Variants in GRHL1 observed in about 807,000 individuals in gnomAD.
GRHL1 encodes the protein grainyhead like transcription factor 1.
Under a neutral mutation model 75.7 loss-of-function variants are expected in GRHL1, and 38 were observed. That is an observed-to-expected ratio of 0.50 (90% CI 0.39 to 0.66). The LOEUF (loss-of-function observed/expected upper bound fraction) is 0.66, where lower values mean the gene tolerates loss of function less well. Ranked by LOEUF, GRHL1 falls within the 30% of genes least tolerant of loss-of-function variation. The pLI is 0.00. For synonymous variants in GRHL1, 266 were observed against 279.4 expected (o/e 0.95, Z 0.48); for missense variants, 589 against 767.5 (o/e 0.77, Z 2.75).
rs190224436 is a variant in GRHL1 at position 9,985,077 on chromosome 2, A to T, written c.1111-1047A>T. Among the ~76,000 whole-genome samples, 24 of 152,158 alleles carry T rather than the reference A, an allele frequency of 1.6e-4. No homozygotes were observed. The East Asian group carries it at 4.3e-3, about 27-fold the overall frequency. The stretch of plus-strand genomic sequence containing the variant: ...AGCCAGACTGTCTCAAAAAAAAAAA[A>T]AAAAATTGCTCCTGTGGGAAGTGGT... On this transcript the variant is annotated intron_variant, in intron 8 of 15. Transcript: ENST00000324907.
At position 9,968,894 on chromosome 2, in the gene GRHL1, G is replaced by A. The variant is rs1367534167; in HGVS notation, c.1110+3513G>A. Among the ~76,000 whole-genome samples the A allele has an allele frequency of 6.6e-6, 1 of 152,174 alleles. No individual in the cohort carries two copies. Among genetic ancestry groups the A allele is most frequent in the Non-Finnish European group, 1.5e-5 (1 of 68,034 alleles). ...TAGTTCCGCAGGCCAGGTAGATAGT[G>A]GCATAAGTGTCCCCATTTGTGGGGA... On this transcript the variant is annotated intron_variant, in intron 8 of 15. Transcript: ENST00000324907. This position sits in a 1 kb window ranked among gnomAD's most constrained non-coding sequence, Gnocchi z 4.7.
At chr2:9,980,524 G>A (rs1668153215) in intron 8 of GRHL1, among the ~76,000 whole-genome samples, 1 of 152,176 alleles carries the variant, frequency 6.6e-6, no homozygotes, top group Non-Finnish European at 1.5e-5. Flanking sequence ...ATTTAAAAAG[G>A]AATCTTGTAG....
intron 8 of GRHL1, among the ~76,000 whole-genome samples, chr2:9,969,469 A>G (rs1667624988): frequency 6.6e-6 from 1 of 152,256 alleles, no homozygotes; most frequent in African/African-American, 2.4e-5. Context: ...TTACTTAAAA[A>G]TGTAGGTATT....
At chr2:9,979,151 C>CAAAAAAAAAGAAAAAAAAAAAA (rs1668084663) in intron 8 of GRHL1, among the ~76,000 whole-genome samples, 1 of 60,380 alleles carries the variant, frequency 1.7e-5, no homozygotes. Context: ...GACTCTCTCT[C>CAAAAAAAAAGAAAAAAAAAAAA]AAAAAAAAAA....
At chr2:9,975,121 C>T (rs1222019126) in intron 8 of GRHL1, among the ~76,000 whole-genome samples, 1 of 152,218 alleles carries the variant, frequency 6.6e-6, no homozygotes, top group East Asian at 1.9e-4. Context: ...GTGCTTTCAC[C>T]TTCTAAGGCC....
rs186267604 is a variant in GRHL1 at position 9,995,430 on chromosome 2, A to G, written c.1500-449A>G. The G allele has an allele frequency of 8.3e-4, 127 of 152,808 alleles. 1 individual carries two copies. Among genetic ancestry groups the G allele is most frequent in the African/African-American group, 2.8e-3 (118 of 41,556 alleles). 9.5% of individuals were successfully genotyped at this position (152,808 alleles called of 1,614,324 possible). On this transcript the variant is annotated intron_variant, in intron 12 of 15. Transcript: ENST00000324907. ...AACATAGGGAGAACCCATCTCTACA[A>G]AAATAAAAAAATTAGTTGGGTGTGG...
Position 9,998,575 on chromosome 2 carries a change from T to C in GRHL1, c.1678-390T>C, listed in dbSNP as rs13023537. Among the ~76,000 whole-genome samples, 14 of 72,520 alleles carry C rather than the reference T, an allele frequency of 1.9e-4. 3 individuals are homozygous for C. Among genetic ancestry groups the C allele is most frequent in the South Asian group, 8.2e-4 (2 of 2,444 alleles). The allele number at this position is 72,520 out of a possible 152,430, so 47.6% of individuals were successfully genotyped here. A position where few individuals can be genotyped will look rare whatever the true frequency, so the allele number is the denominator to read the frequency against. On this transcript the variant is annotated intron_variant, in intron 14 of 15. Coordinates refer to ENST00000324907, the MANE Select transcript of GRHL1 (RefSeq NM_198182.3). ...ATATATGTGTGTACATGTATATATA[T>C]ACATATGTACATATATATGTACACA...
chr2:9,974,412 T>C (rs1195635278), intron 8 of GRHL1, among the ~76,000 whole-genome samples: 2 of 152,242 alleles, frequency 1.3e-5, no homozygotes, highest in Non-Finnish European at 2.9e-5. Context: ...TCCACCTACA[T>C]TACTTTTTTC....
At chr2:9,981,784 T>C (rs892933177) in intron 8 of GRHL1, among the ~76,000 whole-genome samples, 1 of 152,256 alleles carries the variant, frequency 6.6e-6, no homozygotes, top group Admixed American at 6.5e-5. Context: ...AATAAGCATA[T>C]GTTATGAGCC....
At chr2:9,981,541 C>A (rs1034184293) in intron 8 of GRHL1, among the ~76,000 whole-genome samples, 1 of 152,182 alleles carries the variant, frequency 6.6e-6, no homozygotes, top group African/African-American at 2.4e-5. Flanking sequence ...CAAGTTTTAT[C>A]GAAACACGAC....
rs568294967 is a variant in GRHL1, at chr2:9,960,781, G to A, written c.279-265G>A. 715 of 386,604 alleles carry A rather than the reference G, an allele frequency of 1.8e-3. 6 individuals carry two copies. The highest frequency in any genetic ancestry group is 0.013 in the African/African-American group (667 of 49,572). The allele number at this position is 386,604 out of a possible 1,614,324, so 23.9% of individuals were successfully genotyped here. A position where few individuals can be genotyped will look rare whatever the true frequency, so the allele number is the denominator to read the frequency against. On this transcript the variant is annotated intron_variant, in intron 3 of 15. Transcript: ENST00000324907. ...AGTAAAACACAGTAATTGTTTTTAG[G>A]ATTATGGAAAGTAAAGCTTGTTAGA... is the stretch of plus-strand genomic sequence containing the variant.
chr2:9,973,005 G>C (rs1335376409), intron 8 of GRHL1, among the ~76,000 whole-genome samples: 1 of 152,084 alleles, frequency 6.6e-6, no homozygotes, highest in Non-Finnish European at 1.5e-5. Context: ...ACTCGTCTTT[G>C]TTTTTCTTCA....
chr2:9,979,448 A>G (rs1668105530), intron 8 of GRHL1, among the ~76,000 whole-genome samples: 1 of 152,090 alleles, frequency 6.6e-6, no homozygotes. Flanking sequence ...TATGTTGCCC[A>G]GGGTGGTCTC....
In GRHL1 at chr2:10,000,870, G is replaced by T; in HGVS notation, c.*163G>T. On this transcript the variant is annotated 3_prime_UTR_variant, in exon 16 of 16. Transcript: ENST00000324907. ...AGGCGGGGCTGCATCTGGCTTGGTG[G>T]TAGCATTTAATCTATTGCATTGGTG... The T allele has an allele frequency of 2.0e-6, 1 of 506,172 alleles. No individual in the cohort carries two copies. Among genetic ancestry groups the T allele is most frequent in the South Asian group, 3.4e-5 (1 of 29,492 alleles). The allele number at this position is 506,172 out of a possible 1,614,324, so 31.4% of individuals were successfully genotyped here. A position where few individuals can be genotyped will look rare whatever the true frequency, so the allele number is the denominator to read the frequency against.
intron 8 of GRHL1, among the ~76,000 whole-genome samples, chr2:9,978,843 T>A (rs1162679175): frequency 6.6e-6 from 1 of 151,846 alleles, no homozygotes; most frequent in African/African-American, 2.4e-5. Context: ...ATACAAAGAT[T>A]AGCCATGTGT....
At chr2:9,982,164 T>C (rs77246846) in intron 8 of GRHL1, among the ~76,000 whole-genome samples, 3,997 of 152,318 alleles carry the variant, frequency 0.026, 170 homozygotes, top group African/African-American at 0.09. Flanking sequence ...TCTGTAAAAA[T>C]TTTGTTTAAT....
chr2:9,992,530 C>T lies in GRHL1; in HGVS notation c.1461+384C>T, dbSNP rs1048473478. Reference sequence around the variant, plus strand: ...GGAGCTCTTATAACATAAGAACATCCGAAGGCTTTTCTCACAGTTCCAGTT... The same window carrying T: ...GGAGCTCTTATAACATAAGAACATCTGAAGGCTTTTCTCACAGTTCCAGTT... On this transcript the variant is annotated intron_variant, in intron 11 of 15. Coordinates refer to ENST00000324907, the MANE Select transcript of GRHL1 (RefSeq NM_198182.3). The surrounding 1 kb of genome is among the most constrained non-coding windows in gnomAD (Gnocchi z 4.6). Among the ~76,000 whole-genome samples, 3 of 152,132 alleles carry T rather than the reference C, an allele frequency of 2.0e-5. No homozygotes were observed. The highest frequency in any genetic ancestry group is 4.8e-5 in the African/African-American group (2 of 41,414).
At position 9,951,995 on chromosome 2, in the gene GRHL1, G is replaced by A; in HGVS notation, c.20+142G>A. ...AGCCGGGGGCCGCTGTCCACTCCAC[G>A]CCGCCACGGCCTTTGCCCCTTAGCC... On this transcript the variant is annotated intron_variant, in intron 1 of 15. Transcript: ENST00000324907. This position sits in a 1 kb window ranked among gnomAD's most constrained non-coding sequence, Gnocchi z 4.2. The A allele has an allele frequency of 1.1e-5, 3 of 265,670 alleles. No homozygotes were observed. Among genetic ancestry groups the A allele is most frequent in the Non-Finnish European group, 1.8e-5 (3 of 168,882 alleles). 16.5% of individuals were successfully genotyped at this position (265,670 alleles called of 1,614,324 possible). A position where few individuals can be genotyped will look rare whatever the true frequency, so the allele number is the denominator to read the frequency against.
chr2:9,989,190 T>G (rs1049997329), intron 9 of GRHL1, among the ~76,000 whole-genome samples: 2 of 152,190 alleles, frequency 1.3e-5, no homozygotes, highest in Non-Finnish European at 2.9e-5. Flanking sequence ...TGGTTTTATA[T>G]TCTGTTTTTA....
Sources: allele counts gnomAD v4.1 joint callset (sites outside exome capture counted in the v4.1 genomes callset), GRCh38; gene constraint gnomAD v4.1.1; non-coding constraint Gnocchi (gnomAD v3.1); transcripts MANE v1.5; gene names NCBI Gene and HGNC (gene_info 2026-07-23, HGNC 2026-07-21).